The following ZRANB1 variants were observed in gnomAD, a reference collection of about 807,000 sequenced individuals.
The protein encoded by ZRANB1 is zinc finger RANBP2-type containing 1, also known as ubiquitin thioesterase ZRANB1.
Under a neutral mutation model 80.5 loss-of-function variants are expected in ZRANB1, and 16 were observed. The ratio of observed to expected loss-of-function variants is 0.20; its 90% CI spans 0.13 to 0.30. The LOEUF is 0.30. Ranked by LOEUF, ZRANB1 falls within the 10% of genes least tolerant of loss-of-function variation. ZRANB1 has a pLI of 1.00. For synonymous variants in ZRANB1, 291 were observed against 293.1 expected, an observed-to-expected ratio of 0.99 and a Z score of 0.07; for missense variants, 576 against 862.6, an observed-to-expected ratio of 0.67 and a Z score of 4.16.
chr10:124,930,349 T>A, the ZRANB1 span, among the ~76,000 whole-genome samples: 6 of 152,242 alleles, frequency 3.9e-5, no homozygotes, highest in South Asian at 1.2e-3. Context: ...CACTGCAGCC[T>A]CCTCCTCCTG....
At position 124,974,346 on chromosome 10, in the gene ZRANB1, G is replaced by A; in HGVS notation, c.1375G>A (p.Asp459Asn). The change falls in exon 5 of 9, where the codon GAC (aspartate) becomes AAC (asparagine). Residue 459 changes from aspartate (D) to asparagine (N), a missense_variant. Transcript: ENST00000359653. ...AGCTACCTGGGGCATCTATGACAAG[G>A]ACTCAGTGCTTCGGAAAGCCCTGCA... The part of the protein sequence containing the change: ...LQATWGIYDK[D>N]SVLRKALHDS... The A allele has an allele frequency of 2.5e-6, 4 of 1,614,242 alleles. No homozygotes were observed. Among genetic ancestry groups the A allele is most frequent in the Non-Finnish European group, 3.4e-6 (4 of 1,180,046 alleles).
At chr10:124,920,481 T>A in the ZRANB1 span, among the ~76,000 whole-genome samples, 1 of 152,194 alleles carries the variant, frequency 6.6e-6, no homozygotes, top group East Asian at 1.9e-4. Context: ...TGTTCAAGTT[T>A]CTCTGTAGTC....
chr10:124,928,274 G>A, the ZRANB1 span, among the ~76,000 whole-genome samples: 1 of 152,128 alleles, frequency 6.6e-6, no homozygotes, highest in African/African-American at 2.4e-5. Flanking sequence ...CAGAGGCTAC[G>A]GTGTCGCCGA....
chr10:124,973,222 G>A (rs1050899829), intron 3 of ZRANB1, among the ~76,000 whole-genome samples: 3 of 152,090 alleles, frequency 2.0e-5, no homozygotes, highest in Admixed American at 1.3e-4. Context: ...GCAGGATCAC[G>A]GCTCATTGCA....
At chr10:124,930,370 A>G in the ZRANB1 span, among the ~76,000 whole-genome samples, 1 of 152,032 alleles carries the variant, frequency 6.6e-6, no homozygotes, top group Non-Finnish European at 1.5e-5. Context: ...GGTTCAAGCA[A>G]TTCTCCTGCC....
the ZRANB1 span, among the ~76,000 whole-genome samples, chr10:124,925,082 A>AT: frequency 2.6e-5 from 4 of 151,302 alleles, no homozygotes; most frequent in East Asian, 1.9e-4. Flanking sequence ...TAATTTTTGT[A>AT]TTTTTTTAGT....
At chr10:124,920,349 G>A in the ZRANB1 span, among the ~76,000 whole-genome samples, 2 of 152,080 alleles carry the variant, frequency 1.3e-5, no homozygotes, top group Non-Finnish European at 2.9e-5. Flanking sequence ...TGGAATATTT[G>A]TGCTCCACTT....
chr10:124,974,131 C>A, intron 4 of ZRANB1, 69 bp from the exon 5 acceptor site: 2 of 1,499,404 alleles, frequency 1.3e-6, no homozygotes, highest in African/African-American at 1.4e-5. Context: ...AAAATAGGTT[C>A]TTCTCCCCAT....
the ZRANB1 span, among the ~76,000 whole-genome samples, chr10:124,922,737 C>T: frequency 6.1e-3 from 922 of 151,004 alleles, 5 homozygotes; most frequent in African/African-American, 0.021. Context: ...GTGATCTGCC[C>T]GCCTCTGCCT....
intron 1 of ZRANB1, among the ~76,000 whole-genome samples, chr10:124,944,490 C>A (rs967486667): frequency 4.1e-5 from 4 of 96,890 alleles, no homozygotes; most frequent in African/African-American, 1.6e-4. Flanking sequence ...TCATTCCCCC[C>A]CCCCCCCCGC....
chr10:124,944,731 C>T (rs571626718), intron 1 of ZRANB1, among the ~76,000 whole-genome samples: 12 of 152,164 alleles, frequency 7.9e-5, no homozygotes, highest in Non-Finnish European at 1.0e-4. Context: ...TGGGCTCAAG[C>T]GATTCTCCCA....
the ZRANB1 span, among the ~76,000 whole-genome samples, chr10:124,930,640 A>G: frequency 3.3e-5 from 5 of 152,250 alleles, no homozygotes. Context: ...ATAGTAAAGT[A>G]CATTTCTATG....
chr10:124,916,899 G>A, the ZRANB1 span, among the ~76,000 whole-genome samples: 1 of 151,894 alleles, frequency 6.6e-6, no homozygotes, highest in African/African-American at 2.4e-5. Context: ...GGTTTATTTG[G>A]CTCCGGGTCC....
intron 5 of ZRANB1, 45 bp downstream of exon 5, chr10:124,974,443 T>C: frequency 6.2e-7 from 1 of 1,600,014 alleles, no homozygotes; most frequent in Non-Finnish European, 8.6e-7. Context: ...GTGCATTTGC[T>C]GGATTATTTC....
intron 1 of ZRANB1, 102 bp downstream of exon 1, chr10:124,943,409 A>G (rs1320681486): frequency 1.7e-6 from 2 of 1,153,370 alleles, no homozygotes; most frequent in Non-Finnish European, 2.4e-6. Flanking sequence ...GGTCTTAGCC[A>G]CTTGCTTGAA....
chr10:124,952,079 C>A (rs546853125), intron 1 of ZRANB1, among the ~76,000 whole-genome samples: 1 of 152,286 alleles, frequency 6.6e-6, no homozygotes, highest in South Asian at 2.1e-4. Context: ...CCCTCTACCC[C>A]CTCTTTGGGC....
chr10:124,966,897 T>TA (rs1951781703), intron 2 of ZRANB1, 116 bp downstream of exon 2: 2 of 948,688 alleles, frequency 2.1e-6, no homozygotes, highest in Admixed American at 5.3e-5. Context: ...TGAATTCTTT[T>TA]ACCCCCTTTT....
the ZRANB1 span, among the ~76,000 whole-genome samples, chr10:124,922,112 A>C: frequency 6.6e-5 from 10 of 151,468 alleles, no homozygotes; most frequent in African/African-American, 2.2e-4. Context: ...TGGCTTTTTA[A>C]AAAAATTTTT....
the ZRANB1 span, among the ~76,000 whole-genome samples, chr10:124,928,402 AG>A: frequency 5.2e-3 from 796 of 152,288 alleles, 6 homozygotes; most frequent in African/African-American, 0.016. Flanking sequence ...ACAGATGTGA[AG>A]AGCCATTACC....
Sources: gnomAD v4.1 joint callset for allele counts (sites outside exome capture counted in the v4.1 genomes callset) on GRCh38, gnomAD v4.1.1 for gene constraint, MANE v1.5 for transcripts, NCBI Gene and HGNC (gene_info 2026-07-23, HGNC 2026-07-21) for gene names.